Variants in ARHGAP10 observed in about 807,000 individuals in gnomAD.
ARHGAP10 encodes the protein Rho GTPase activating protein 10, also known as rho GTPase-activating protein 10.
In ARHGAP10, 87 loss-of-function variants were observed where a neutral mutation model predicts 108.6. That is an observed-to-expected ratio of 0.80 (90% CI 0.67 to 0.96). The LOEUF (loss-of-function observed/expected upper bound fraction) is 0.96. Ranked by LOEUF, ARHGAP10 falls within the 40% of genes least tolerant of loss-of-function variation. ARHGAP10 has a pLI of 0.00. For missense variants in ARHGAP10, 939 were observed against 954.5 expected (o/e 0.98, Z 0.21); for synonymous variants, 347 against 341.1 (o/e 1.02, Z -0.19).
chr4:147,810,953 C>T (rs1731993385), intron 1 of ARHGAP10, among the ~76,000 whole-genome samples: 1 of 152,192 alleles, frequency 6.6e-6, no homozygotes, highest in Non-Finnish European at 1.5e-5. Context: ...TATCCCTGAC[C>T]TCAGAGTTTC....
chr4:148,047,679 G>A (rs924933784), intron 20 of ARHGAP10, among the ~76,000 whole-genome samples: 3 of 152,220 alleles, frequency 2.0e-5, no homozygotes, highest in African/African-American at 7.2e-5. Context: ...AGGCAGGATG[G>A]TGGTGATGTG....
rs577366780 is a variant in ARHGAP10 at position 147,738,561 on chromosome 4, A to C, written c.154+6106A>C. 1.4e-3 allele frequency among the ~76,000 whole-genome samples: 214 copies of C among 151,498 alleles called. 1 individual carries two copies. Among genetic ancestry groups the C allele is most frequent in the African/African-American group, 4.6e-3 (190 of 41,332 alleles). On this transcript the variant is annotated intron_variant, in intron 1 of 22. Coordinates refer to ENST00000336498, the MANE Select transcript of ARHGAP10 (RefSeq NM_024605.4). ...GAGTGAGACTCTGTCTCCCCCCCCC[A>C]AAAAAAATTATAATACGACCTACTA... is the stretch of plus-strand genomic sequence containing the variant.
At chr4:147,790,422 G>A (rs1731071920) in intron 1 of ARHGAP10, among the ~76,000 whole-genome samples, 1 of 152,128 alleles carries the variant, frequency 6.6e-6, no homozygotes, top group African/African-American at 2.4e-5. Context: ...TGGGCTGTCT[G>A]GCAGAAAGTA....
At chr4:147,766,611 T>A (rs960399157) in intron 1 of ARHGAP10, among the ~76,000 whole-genome samples, 1 of 144,792 alleles carries the variant, frequency 6.9e-6, no homozygotes, top group Non-Finnish European at 1.5e-5. Context: ...TGTGTATATG[T>A]GTATGTATAC....
chr4:147,764,486 A>T (rs969819131), intron 1 of ARHGAP10, among the ~76,000 whole-genome samples: 1 of 130,466 alleles, frequency 7.7e-6, no homozygotes, highest in Non-Finnish European at 1.7e-5. Flanking sequence ...ACTTTGAGGT[A>T]AAAAAAAAAA....
At chr4:147,983,247 A>G (rs1404966842) in intron 18 of ARHGAP10, among the ~76,000 whole-genome samples, 2 of 146,514 alleles carry the variant, frequency 1.4e-5, no homozygotes, top group East Asian at 2.0e-4. Flanking sequence ...GTACAGTGGC[A>G]CGATCTCGGC....
At chr4:147,848,571 G>A (rs183314742) in intron 4 of ARHGAP10, among the ~76,000 whole-genome samples, 106 of 152,316 alleles carry the variant, frequency 7.0e-4, no homozygotes, top group Non-Finnish European at 1.9e-4. Context: ...GCTCTTTAAA[G>A]CTTGTTGCAT....
At chr4:147,754,230 G>A (rs1729278519) in intron 1 of ARHGAP10, among the ~76,000 whole-genome samples, 1 of 152,168 alleles carries the variant, frequency 6.6e-6, no homozygotes, top group Non-Finnish European at 1.5e-5. Context: ...GGAATTCAGG[G>A]CCTTTAATTC....
At chr4:147,761,082 T>C (rs887313092) in intron 1 of ARHGAP10, among the ~76,000 whole-genome samples, 5 of 151,522 alleles carry the variant, frequency 3.3e-5, no homozygotes, top group Non-Finnish European at 7.4e-5. Context: ...AGTGGTGTGA[T>C]CATAACCCAC....
intron 3 of ARHGAP10, among the ~76,000 whole-genome samples, 160 bp downstream of exon 3, chr4:147,823,117 C>T (rs1412139377): frequency 1.3e-5 from 2 of 152,142 alleles, no homozygotes; most frequent in East Asian, 1.9e-4. Context: ...ATTTCTAGTT[C>T]CTTGAGGGTG....
chr4:147,762,829 C>T (rs552491415), intron 1 of ARHGAP10, among the ~76,000 whole-genome samples: 71 of 152,134 alleles, frequency 4.7e-4, no homozygotes, highest in Admixed American at 1.2e-3. Flanking sequence ...CACACCTGGC[C>T]GCTTTTTTAT....
chr4:147,755,713 T>A (rs1251767827), intron 1 of ARHGAP10, among the ~76,000 whole-genome samples: 7 of 152,156 alleles, frequency 4.6e-5, no homozygotes. Flanking sequence ...CTTGCCCTTA[T>A]ATAGTGTAGG....
chr4:147,848,637 C>T (rs1190665909), intron 4 of ARHGAP10, among the ~76,000 whole-genome samples: 2 of 152,176 alleles, frequency 1.3e-5, no homozygotes, highest in Non-Finnish European at 2.9e-5. Flanking sequence ...AAACAACATC[C>T]ATTTCTTATT....
At chr4:147,875,338 G>A (rs1007879799) in intron 8 of ARHGAP10, among the ~76,000 whole-genome samples, 188 bp downstream of exon 8, 2 of 152,168 alleles carry the variant, frequency 1.3e-5, no homozygotes, top group Non-Finnish European at 2.9e-5. Flanking sequence ...GAGAGAGGGG[G>A]TACTGTGAGG....
At chr4:147,762,706 T>C (rs1446912607) in intron 1 of ARHGAP10, among the ~76,000 whole-genome samples, 1 of 151,250 alleles carries the variant, frequency 6.6e-6, no homozygotes, top group Non-Finnish European at 1.5e-5. Flanking sequence ...ATTTTTTTTG[T>C]ATTTTTAGTA....
intron 18 of ARHGAP10, among the ~76,000 whole-genome samples, chr4:147,996,312 TA>T (rs937078253): frequency 2.0e-5 from 3 of 152,078 alleles, no homozygotes; most frequent in African/African-American, 7.2e-5. Flanking sequence ...GGAAACTAAA[TA>T]AAAAATGAAT....
chr4:147,765,337 T>TGGGGGGGGGGG, intron 1 of ARHGAP10, among the ~76,000 whole-genome samples: 1 of 58,608 alleles, frequency 1.7e-5, no homozygotes, highest in Non-Finnish European at 3.5e-5. Context: ...TGTGTGTGTG[T>TGGGGGGGGGGG]GGGGGGGGGG....
At chr4:147,856,852 T>G (rs1734106852) in intron 4 of ARHGAP10, among the ~76,000 whole-genome samples, 1 of 152,116 alleles carries the variant, frequency 6.6e-6, no homozygotes, top group South Asian at 2.1e-4. Flanking sequence ...AAATCTAGAG[T>G]AAAACATACT....
intron 19 of ARHGAP10, among the ~76,000 whole-genome samples, chr4:148,043,653 T>TATATATA (rs1728741025): frequency 1.7e-5 from 1 of 58,374 alleles, no homozygotes; most frequent in African/African-American, 5.3e-5. Context: ...ATATATATAT[T>TATATATA]TTAGGTGTAT....
Sources: allele counts gnomAD v4.1 joint callset (sites outside exome capture counted in the v4.1 genomes callset), GRCh38; gene constraint gnomAD v4.1.1; transcripts MANE v1.5; gene names NCBI Gene and HGNC (gene_info 2026-07-23, HGNC 2026-07-21).